CPAMD8: variants seen among roughly 807,000 people sequenced by gnomAD.
The protein encoded by CPAMD8 is C3 and PZP like alpha-2-macroglobulin domain containing 8, also known as C3 and PZP-like alpha-2-macroglobulin domain-containing protein 8.
In CPAMD8, 146 loss-of-function variants were observed where a neutral mutation model predicts 224.7. The observed-to-expected ratio is 0.65, with a 90% CI of 0.57 to 0.75. CPAMD8 has a LOEUF of 0.75. CPAMD8 is among the 30% of genes least tolerant of loss of function. The pLI is 0.00. For missense variants in CPAMD8, 2,301 were observed against 2,537.5 expected, an observed-to-expected ratio of 0.91 and a Z score of 2.00; for synonymous variants, 966 against 1,044.6, an observed-to-expected ratio of 0.92 and a Z score of 1.45.
chr19:16,893,099 G>C lies in CPAMD8; in HGVS notation c.*9C>G. The C allele has an allele frequency of 8.1e-7, 1 of 1,230,722 alleles. No individual in the cohort carries two copies. Among genetic ancestry groups the C allele is most frequent in the Non-Finnish European group, 1.2e-6 (1 of 831,714 alleles). The allele number at this position is 1,230,722 out of a possible 1,614,324, so 76.2% of individuals were successfully genotyped here. A position where few individuals can be genotyped will look rare whatever the true frequency, so the allele number is the denominator to read the frequency against. On this transcript the variant is annotated 3_prime_UTR_variant, in exon 42 of 42. Coordinates refer to ENST00000443236, the MANE Select transcript of CPAMD8 (RefSeq NM_015692.5). Reference sequence around the variant, plus strand: ...AACTGCGGTCCCACAACTGCATGTGGTTGTAGGATTATCTCAAGGTGCAGG... The same window carrying C: ...AACTGCGGTCCCACAACTGCATGTGCTTGTAGGATTATCTCAAGGTGCAGG...
chr19:16,902,743 C>G lies in CPAMD8; in HGVS notation c.4591G>C (p.Gly1531Arg). Residue 1531 changes from glycine (G) to arginine (R), a missense_variant, in exon 35 of 42, where the codon GGT (glycine) becomes CGT (arginine). By Grantham distance (125) the Gly-to-Arg change is moderately radical (BLOSUM62 -2). This residue lies in a region of CPAMD8 where 1,709 missense variants were observed against 1,753.2 expected (regional missense o/e 0.97). Coordinates refer to ENST00000443236, the MANE Select transcript of CPAMD8 (RefSeq NM_015692.5). ...PPPMPASAAE[G>R]SRGDWPPADD... ...GCTGGGGGCCAGTCTCCTCGGGAAC[C>G]CTCAGCTGCGGAGGCAGGCATGGGG... 1 of 1,597,890 alleles carries G rather than the reference C, an allele frequency of 6.3e-7. No individual in the cohort carries two copies. Among genetic ancestry groups the G allele is most frequent in the Non-Finnish European group, 8.6e-7 (1 of 1,168,624 alleles).
chr19:17,011,998 C>A (rs559160959), intron 3 of CPAMD8, among the ~76,000 whole-genome samples: 1 of 152,230 alleles, frequency 6.6e-6, no homozygotes, highest in South Asian at 2.1e-4. Context: ...GCACAGGACA[C>A]CCCCGCCCTT....
At chr19:16,967,940 T>TATATACACAC (rs2054916142) in intron 18 of CPAMD8, among the ~76,000 whole-genome samples, 16 of 148,956 alleles carry the variant, frequency 1.1e-4, no homozygotes, top group Admixed American at 2.6e-4. Context: ...TGTATATATA[T>TATATACACAC]ACATGTTGCT....
rs1297579318 is a variant in CPAMD8, at chr19:16,929,097, T to C, written c.2989A>G (p.Met997Val). 7 of 1,614,128 alleles carry C rather than the reference T, an allele frequency of 4.3e-6. No individual in the cohort carries two copies. The Admixed American group carries it at 5.0e-5, about 12-fold the overall frequency. Residue 997 changes from methionine to valine, a missense_variant, in exon 24 of 42, where the codon ATG becomes GTG. Physicochemically the swap from Met to Val is conservative, Grantham distance 21 (BLOSUM62 1). This residue lies in a region of CPAMD8 where 1,709 missense variants were observed against 1,753.2 expected (regional missense o/e 0.97). Transcript: ENST00000443236. ...LSSGPQDTAG[M>V]IEIVLGGHQN... ...TGCCCCCCCAGGACGATCTCGATCA[T>C]GCCTGCTGTGTCCTGGGGCCCAGAA...
intron 11 of CPAMD8, among the ~76,000 whole-genome samples, chr19:16,996,816 CTAAA>C (rs1568578157): frequency 2.0e-5 from 1 of 50,640 alleles, no homozygotes; most frequent in African/African-American, 8.1e-5. Context: ...GTGACTATCT[CTAAA>C]AAAAAAAAAA....
At chr19:16,904,901 G>C (rs1021986746) in intron 30 of CPAMD8, among the ~76,000 whole-genome samples, 4 of 152,222 alleles carry the variant, frequency 2.6e-5, no homozygotes, top group African/African-American at 9.7e-5. Context: ...TCCAGCCCCT[G>C]ATGTTCCTAC....
intron 10 of CPAMD8, among the ~76,000 whole-genome samples, chr19:16,999,954 G>A (rs879565675): frequency 1.8e-4 from 28 of 151,972 alleles, no homozygotes; most frequent in Admixed American, 9.8e-4. Flanking sequence ...CTGGGATTAC[G>A]GGTGTGAGCC....
Position 16,899,488 on chromosome 19 carries a change from A to G in CPAMD8, c.4835T>C (p.Phe1612Ser). ...RYEVAGRRVL[F>S]YFDEIPSRCL... is the part of the protein sequence containing the mutation. ...GGCTGGTGGTACCTCATCAAAGTAG[A>G]AGAGCACTCGGCGTCCAGCCACTTC... The change falls in exon 37 of 42, where the codon TTC becomes TCC. Residue 1612 changes from phenylalanine (F) to serine (S), a missense_variant. Phe to Ser is a radical substitution (Grantham distance 155, BLOSUM62 -2). Coordinates refer to ENST00000443236, the MANE Select transcript of CPAMD8 (RefSeq NM_015692.5). This position sits in a 1 kb window ranked among gnomAD's most constrained non-coding sequence, Gnocchi z 5.4. 2 of 1,545,178 alleles carry G rather than the reference A, an allele frequency of 1.3e-6. No homozygotes were observed. The highest frequency in any genetic ancestry group is 4.5e-5 in the East Asian group (2 of 44,562).
intron 25 of CPAMD8, among the ~76,000 whole-genome samples, chr19:16,926,609 C>T (rs2053370430): frequency 6.6e-6 from 1 of 152,226 alleles, no homozygotes; most frequent in Non-Finnish European, 1.5e-5. Flanking sequence ...AGCCACCACG[C>T]CTGGCCCCTT....
At chr19:16,998,517 G>A (rs1026771583) in intron 10 of CPAMD8, among the ~76,000 whole-genome samples, 2 of 152,040 alleles carry the variant, frequency 1.3e-5, no homozygotes, top group African/African-American at 2.4e-5. Flanking sequence ...TAAGAGAGGG[G>A]AGCCCATTGG....
intron 13 of CPAMD8, among the ~76,000 whole-genome samples, chr19:16,985,342 C>T (rs200114172): frequency 1.4e-4 from 20 of 142,890 alleles, no homozygotes; most frequent in East Asian, 6.4e-4. Flanking sequence ...GGATGAAGGG[C>T]GGATGGATGG....
intron 6 of CPAMD8, 46 bp from the exon 7 acceptor site, chr19:17,008,605 A>G (rs1568595857): frequency 6.3e-7 from 1 of 1,597,712 alleles, no homozygotes; most frequent in African/African-American, 1.3e-5. Context: ...AACTCAGGCT[A>G]GCCTAGCATG....
At chr19:16,946,429 G>C (rs893829972) in intron 21 of CPAMD8, among the ~76,000 whole-genome samples, 1 of 147,864 alleles carries the variant, frequency 6.8e-6, no homozygotes, top group East Asian at 2.0e-4. Flanking sequence ...GTGGATTTGT[G>C]TGTGTGAATG....
chr19:16,923,199 G>C (rs945552868), intron 26 of CPAMD8, among the ~76,000 whole-genome samples: 2 of 152,238 alleles, frequency 1.3e-5, no homozygotes, highest in Admixed American at 1.3e-4. Flanking sequence ...TCCTGCAAGG[G>C]CATAGGGAGC....
At chr19:16,921,650 G>A (rs1242215431) in intron 27 of CPAMD8, among the ~76,000 whole-genome samples, 4 of 151,398 alleles carry the variant, frequency 2.6e-5, no homozygotes, top group Admixed American at 6.6e-5. Flanking sequence ...AGGGGCCAGA[G>A]AGCAGGGCAT....
chr19:17,010,592 G>C (rs2056618410), intron 5 of CPAMD8, among the ~76,000 whole-genome samples: 1 of 152,016 alleles, frequency 6.6e-6, no homozygotes, highest in Non-Finnish European at 1.5e-5. Flanking sequence ...GAACGTCCTT[G>C]CTCTTAAAGG....
At chr19:16,988,863 C>T (rs1292079953) in intron 13 of CPAMD8, among the ~76,000 whole-genome samples, 5 of 152,232 alleles carry the variant, frequency 3.3e-5, no homozygotes, top group Admixed American at 6.5e-5. Flanking sequence ...TACAGCCGCT[C>T]GCATCACTCA....
intron 7 of CPAMD8, among the ~76,000 whole-genome samples, chr19:17,005,609 C>G (rs2056467541): frequency 6.6e-6 from 1 of 152,094 alleles, no homozygotes; most frequent in African/African-American, 2.4e-5. Context: ...GCCAGGGGAT[C>G]TTCCACTCCT....
chr19:17,012,839 G>A (rs1302037864), intron 3 of CPAMD8, among the ~76,000 whole-genome samples: 1 of 152,166 alleles, frequency 6.6e-6, no homozygotes, highest in African/African-American at 2.4e-5. Flanking sequence ...ATATGTACAT[G>A]TCCAGATATA....
Sources: allele counts gnomAD v4.1 joint callset (sites outside exome capture counted in the v4.1 genomes callset), GRCh38; gene constraint gnomAD v4.1.1; regional missense constraint gnomAD v4.1.1; non-coding constraint Gnocchi (gnomAD v3.1); transcripts MANE v1.5; gene names NCBI Gene and HGNC (gene_info 2026-07-23, HGNC 2026-07-21).